CCNK: variants seen among roughly 807,000 people sequenced by gnomAD.
CCNK encodes the protein cyclin K.
CCNK carries 9 observed loss-of-function variants against 65.0 expected under a neutral mutation model. The ratio of observed to expected loss-of-function variants is 0.14; its 90% CI spans 0.08 to 0.24. The LOEUF is 0.24. Ranked by LOEUF, CCNK falls within the 10% of genes least tolerant of loss-of-function variation. The pLI, the probability that CCNK is intolerant of heterozygous loss-of-function variation, is 1.00. For missense variants in CCNK, 474 were observed against 720.0 expected (o/e 0.66, Z 3.91); for synonymous variants, 279 against 270.8 (o/e 1.03, Z -0.30).
intron 7 of CCNK, 104 bp from the exon 8 acceptor site, chr14:99,502,615 C>T: frequency 3.2e-6 from 4 of 1,249,368 alleles, no homozygotes; most frequent in Non-Finnish European, 4.5e-6. Context: ...AAATGTGATT[C>T]ATGCTTAGGT....
At chr14:99,506,914 T>C (rs1896989547) in intron 9 of CCNK, 162 bp from the exon 10 acceptor site, 2 of 626,950 alleles carry the variant, frequency 3.2e-6, no homozygotes, top group Non-Finnish European at 5.8e-6. Flanking sequence ...ACAGGATTCA[T>C]GCATAATGGT....
At chr14:99,493,805 A>G (rs547764427) in intron 3 of CCNK, among the ~76,000 whole-genome samples, 1 of 152,314 alleles carries the variant, frequency 6.6e-6, no homozygotes, top group Admixed American at 6.5e-5. Context: ...AATATGGACC[A>G]TAGTCATATT....
chr14:99,497,199 G>C (rs937619340), intron 4 of CCNK, among the ~76,000 whole-genome samples: 4 of 152,154 alleles, frequency 2.6e-5, no homozygotes, highest in African/African-American at 9.7e-5. Flanking sequence ...ATAGTATCAT[G>C]TAGTCTATTT....
chr14:99,484,501 T>G (rs1896435027), intron 1 of CCNK, among the ~76,000 whole-genome samples: 1 of 152,248 alleles, frequency 6.6e-6, no homozygotes. Context: ...AAAAATTGCT[T>G]TTACCTGTTT....
At chr14:99,503,510 A>G (rs1896893421) in intron 8 of CCNK, 101 bp from the exon 9 acceptor site, 1 of 1,004,882 alleles carries the variant, frequency 1.0e-6, no homozygotes, top group Non-Finnish European at 1.5e-6. Flanking sequence ...GGCTGTTCAC[A>G]GTGACTGCCG....
chr14:99,502,648 ATTCT>A (rs1896863345), intron 7 of CCNK, 67 bp from the exon 8 acceptor site: 3 of 1,454,434 alleles, frequency 2.1e-6, no homozygotes, highest in African/African-American at 2.8e-5. Context: ...ATCATAACTG[ATTCT>A]TTATCCAGGT....
chr14:99,496,642 G>A (rs1406446532), intron 4 of CCNK, among the ~76,000 whole-genome samples: 4 of 151,868 alleles, frequency 2.6e-5, no homozygotes, highest in Non-Finnish European at 4.4e-5. Context: ...CCCGGGAGGC[G>A]GAGCTTGCAG....
chr14:99,510,159 C>T lies in CCNK; in HGVS notation c.1120C>T (p.Arg374Trp), dbSNP rs755631919. The T allele has an allele frequency of 3.9e-5, 62 of 1,595,192 alleles. No individual in the cohort carries two copies. Among genetic ancestry groups the T allele is most frequent in the Non-Finnish European group, 5.0e-5 (59 of 1,174,606 alleles). The change falls in exon 11 of 11, where the codon CGG becomes TGG. Residue 374 changes from arginine to tryptophan, a missense_variant and splice_region_variant. By Grantham distance (101) the Arg-to-Trp change is moderately radical (BLOSUM62 -3). This residue lies in a region of CCNK where 229 missense variants were observed against 275.5 expected (regional missense o/e 0.83). Coordinates refer to ENST00000389879, the MANE Select transcript of CCNK (RefSeq NM_001099402.2). ...ACTGATGCGTCTCTCTCCTGCAGACCGGAAGCCTCCCCTCGCTGCTGCCTT... is the reference window on the plus strand; with the variant it reads ...ACTGATGCGTCTCTCTCCTGCAGACTGGAAGCCTCCCCTCGCTGCTGCCTT... ...PLPPAHPPPD[R>W]KPPLAAALGE...
chr14:99,489,137 A>T (rs185297608), intron 1 of CCNK, among the ~76,000 whole-genome samples: 4,615 of 150,868 alleles, frequency 0.031, 111 homozygotes, highest in Middle Eastern at 0.048. Context: ...ATATATATAT[A>T]TTTTTTTTTA....
In CCNK at chr14:99,507,078, C is replaced by T. The variant is rs1324333622; in HGVS notation, c.1048C>T (p.Pro350Ser). 1.9e-6 allele frequency: 3 copies of T among 1,596,180 alleles called. No homozygotes were observed. Among genetic ancestry groups the T allele is most frequent in the Non-Finnish European group, 1.7e-6 (2 of 1,163,810 alleles). The change falls in exon 10 of 11, where the codon CCA becomes TCA. Residue 350 changes from proline to serine, a missense_variant and splice_region_variant. By Grantham distance (74) the Pro-to-Ser change is moderately conservative (BLOSUM62 -1). Transcript: ENST00000389879. ...SPKEENKAAE[P>S]PPPKIPKIET... is the part of the protein sequence containing the mutation. ...TCTAATCTGCTTTTTCTTTGTAGAA[C>T]CACCACCACCTAAAATCCCCAAAAT...
rs1398513000 is a variant in CCNK at position 99,510,748 on chromosome 14, T to C, written c.1709T>C (p.Val570Ala). ...PPIPPPGMPP[V>A]GGLGRAAWMR ...ATTCCCCCACCCGGCATGCCTCCAG[T>C]TGGGGGGCTGGGGCGGGCAGCCTGG... The change falls in exon 11 of 11, where the codon GTT (valine) becomes GCT (alanine). Residue 570 changes from valine to alanine, a missense_variant. By Grantham distance (64) the Val-to-Ala change is moderately conservative (BLOSUM62 0). Around this residue, in one of 6 missense-constraint regions of CCNK, gnomAD observed 53 missense variants for 91.4 expected, o/e 0.58. Transcript: ENST00000389879. The C allele has an allele frequency of 1.4e-6, 2 of 1,445,338 alleles. No homozygotes were observed. The highest frequency in any genetic ancestry group is 9.1e-7 in the Non-Finnish European group (1 of 1,099,720). The allele number at this position is 1,445,338 out of a possible 1,614,324, so 89.5% of individuals were successfully genotyped here.
chr14:99,495,692 C>A, intron 4 of CCNK, 63 bp downstream of exon 4: 1 of 1,443,054 alleles, frequency 6.9e-7, no homozygotes, highest in South Asian at 1.4e-5. Flanking sequence ...TTGTACAGTT[C>A]CACATGTTGA....
At chr14:99,496,023 A>G (rs763299874) in intron 4 of CCNK, among the ~76,000 whole-genome samples, 4 of 152,134 alleles carry the variant, frequency 2.6e-5, no homozygotes, top group Non-Finnish European at 4.4e-5. Context: ...TACATATGCC[A>G]TGTGTCTTTT....
intron 4 of CCNK, among the ~76,000 whole-genome samples, chr14:99,499,442 T>A (rs1896772408): frequency 6.6e-6 from 1 of 152,232 alleles, no homozygotes; most frequent in Non-Finnish European, 1.5e-5. Context: ...CCATGTAATT[T>A]GGAATAATAA....
chr14:99,510,829 C>G lies in CCNK; in HGVS notation c.*47C>G, dbSNP rs750853717. 5 of 1,375,774 alleles carry G rather than the reference C, an allele frequency of 3.6e-6. No homozygotes were observed. The East Asian group carries it at 1.4e-4, about 37-fold the overall frequency. The allele number at this position is 1,375,774 out of a possible 1,614,324, so 85.2% of individuals were successfully genotyped here. On this transcript the variant is annotated 3_prime_UTR_variant, in exon 11 of 11. Transcript: ENST00000389879. ...TGTTTTTTTAACAAGATTTTCTAAT[C>G]GACTTGCAGAGTAGTTGAAGTGGGT...
At position 99,510,141 on chromosome 14, in the gene CCNK, C is replaced by G. The variant is rs200683291; in HGVS notation, c.1118-16C>G. The G allele has an allele frequency of 4.5e-5, 71 of 1,587,162 alleles. No homozygotes were observed. In the African/African-American group the frequency reaches 8.8e-4, roughly 20 times the overall value. On this transcript the variant is annotated splice_polypyrimidine_tract_variant and intron_variant, in intron 10 of 10. Transcript: ENST00000389879. ...TGCTGGCGGAGGCCGGGCACTGATG[C>G]GTCTCTCTCCTGCAGACCGGAAGCC...
intron 1 of CCNK, among the ~76,000 whole-genome samples, chr14:99,487,473 G>A (rs983634043): frequency 1.3e-5 from 2 of 152,118 alleles, no homozygotes; most frequent in African/African-American, 2.4e-5. Context: ...AATGTCCCCT[G>A]GGGGGCAAAA....
At chr14:99,506,346 G>A (rs1896974650) in intron 9 of CCNK, 1 of 152,428 alleles carries the variant, frequency 6.6e-6, no homozygotes, top group South Asian at 2.1e-4. Context: ...TTTCAGTTGT[G>A]ATGTGCACGC....
intron 8 of CCNK, 36 bp downstream of exon 8, chr14:99,503,020 C>T: frequency 1.9e-6 from 3 of 1,612,036 alleles, no homozygotes; most frequent in Non-Finnish European, 1.7e-6. Context: ...GTAGAGCAGG[C>T]TTTCCAGGTG....
Sources: allele counts gnomAD v4.1 joint callset (sites outside exome capture counted in the v4.1 genomes callset), GRCh38; gene constraint gnomAD v4.1.1; regional missense constraint gnomAD v4.1.1; transcripts MANE v1.5; gene names NCBI Gene and HGNC (gene_info 2026-07-23, HGNC 2026-07-21).